Variants in RPRD2 observed in about 807,000 individuals in gnomAD.
The protein encoded by RPRD2 is regulation of nuclear pre-mRNA domain containing 2.
A neutral mutation model predicts 104.4 loss-of-function variants in RPRD2; 12 were observed. That is an observed-to-expected ratio of 0.11 (90% CI 0.07 to 0.19). The LOEUF is 0.19. Ranked by LOEUF, RPRD2 falls within the 10% of genes least tolerant of loss-of-function variation. The pLI is 1.00. For synonymous variants in RPRD2, 714 were observed against 684.9 expected (o/e 1.04, Z -0.66); for missense variants, 1,543 against 1,790.1 (o/e 0.86, Z 2.49).
At chr1:150,417,378 GT>G (rs1422076749) in intron 1 of RPRD2, among the ~76,000 whole-genome samples, 5 of 151,870 alleles carry the variant, frequency 3.3e-5, no homozygotes, top group African/African-American at 9.7e-5. Context: ...TCATTTGTCA[GT>G]TTATCCATCC....
chr1:150,427,605 C>G (rs1471297780), intron 2 of RPRD2, among the ~76,000 whole-genome samples: 2 of 152,058 alleles, frequency 1.3e-5, no homozygotes, highest in Non-Finnish European at 2.9e-5. Context: ...TTGAGACCAA[C>G]CTAAGCAACA....
rs587593556 is a variant in RPRD2, at chr1:150,473,012, G to A, written c.4064G>A (p.Arg1355Gln). The change falls in exon 11 of 11, where the codon CGG becomes CAG. Residue 1355 changes from arginine (R) to glutamine (Q), a missense_variant. Physicochemically the swap from Arg to Gln is conservative, Grantham distance 43. This residue lies in a region of RPRD2 where 880 missense variants were observed against 885.6 expected (regional missense o/e 0.99). Coordinates refer to ENST00000369068, the MANE Select transcript of RPRD2 (RefSeq NM_015203.5). ...AGGGACCACGGGGGCCCCACCCAAC[G>A]GGACCTCAACGGCCCTGGCCTTAGC... Reference protein sequence around the residue: ...GPRDHGGPTQRDLNGPGLSRV... With the variant: ...GPRDHGGPTQQDLNGPGLSRV... 69 of 1,613,982 alleles carry A rather than the reference G, an allele frequency of 4.3e-5. No individual in the cohort carries two copies. Among genetic ancestry groups the A allele is most frequent in the South Asian group, 2.7e-4 (25 of 91,082 alleles).
chr1:150,398,275 C>A (rs1325394628), intron 1 of RPRD2, among the ~76,000 whole-genome samples: 1 of 152,070 alleles, frequency 6.6e-6, no homozygotes, highest in African/African-American at 2.4e-5. Flanking sequence ...CGGCTCACTG[C>A]AAGCTCTGCC....
At chr1:150,416,894 A>G (rs1268086712) in intron 1 of RPRD2, among the ~76,000 whole-genome samples, 1 of 151,424 alleles carries the variant, frequency 6.6e-6, no homozygotes, top group Non-Finnish European at 1.5e-5. Flanking sequence ...AAAAAAAACA[A>G]AAAGAAGAAG....
intron 1 of RPRD2, among the ~76,000 whole-genome samples, chr1:150,398,730 A>G (rs1553884743): frequency 2.6e-5 from 4 of 151,578 alleles, no homozygotes; most frequent in Non-Finnish European, 1.5e-5. Context: ...TTTTGTAGCA[A>G]CCGGGTTTCA....
rs1222240846 is a variant in RPRD2, at chr1:150,472,340, T to C, written c.3392T>C (p.Leu1131Pro). Residue 1131 changes from leucine to proline, a missense_variant, in exon 11 of 11, where the codon CTG becomes CCG. Leu to Pro is a moderately conservative substitution (Grantham distance 98). Around this residue, in one of 4 missense-constraint regions of RPRD2, gnomAD observed 880 missense variants for 885.6 expected, o/e 0.99. Transcript: ENST00000369068. ...REASRVGWFD[L>P]STSGSSFDNG... ...GCTTCAAGGGTGGGTTGGTTTGATC[T>C]GAGCACATCAGGTAGCTCTTTTGAC... 6.2e-7 allele frequency: 1 copy of C among 1,614,002 alleles called. No homozygotes were observed.
At chr1:150,412,777 G>T (rs1473979489) in intron 1 of RPRD2, among the ~76,000 whole-genome samples, 2 of 152,104 alleles carry the variant, frequency 1.3e-5, no homozygotes, top group East Asian at 3.9e-4. Context: ...TCCCTACCTT[G>T]CTCCCCTGTT....
intron 1 of RPRD2, among the ~76,000 whole-genome samples, chr1:150,379,284 A>G (rs1660953215): frequency 6.6e-6 from 1 of 151,484 alleles, no homozygotes; most frequent in Non-Finnish European, 1.5e-5. Flanking sequence ...CTCCATCTCA[A>G]AAAAAAAACA....
chr1:150,439,623 A>G (rs1300464061), intron 2 of RPRD2, among the ~76,000 whole-genome samples: 1 of 134,412 alleles, frequency 7.4e-6, no homozygotes, highest in Non-Finnish European at 1.6e-5. Flanking sequence ...TAAGTTTGAC[A>G]TAGCTTTTTT....
At chr1:150,470,197 C>T (rs974880545) in intron 10 of RPRD2, among the ~76,000 whole-genome samples, 7 of 152,088 alleles carry the variant, frequency 4.6e-5, no homozygotes, top group African/African-American at 1.7e-4. Context: ...TTAAGAAATA[C>T]TGGCTTAAAG....
At chr1:150,372,216 C>T (rs587721687) in intron 1 of RPRD2, among the ~76,000 whole-genome samples, 1 of 152,206 alleles carries the variant, frequency 6.6e-6, no homozygotes, top group Non-Finnish European at 1.5e-5. Context: ...TTTATAAATC[C>T]CTAGTTTCCA....
chr1:150,473,510 T>C lies in RPRD2; in HGVS notation c.*176T>C. ...GCTTACGTTTTACTATTCAATTCAA[T>C]CCTCCCTCCCATTGCACTTATCTAC... On this transcript the variant is annotated 3_prime_UTR_variant, in exon 11 of 11. Coordinates refer to ENST00000369068, the MANE Select transcript of RPRD2 (RefSeq NM_015203.5). 3.7e-6 allele frequency: 1 copy of C among 268,552 alleles called. No individual in the cohort carries two copies. The highest frequency in any genetic ancestry group is 2.7e-5 in the African/African-American group (1 of 36,656). 16.6% of individuals were successfully genotyped at this position (268,552 alleles called of 1,614,324 possible).
intron 2 of RPRD2, among the ~76,000 whole-genome samples, chr1:150,418,513 A>T (rs587697104): frequency 6.6e-6 from 1 of 152,184 alleles, no homozygotes; most frequent in South Asian, 2.1e-4. Flanking sequence ...TCCCAACTCC[A>T]TGTTGATTTA....
At position 150,443,404 on chromosome 1, in the gene RPRD2, C is replaced by G; in HGVS notation, c.567+121C>G. 4 of 725,152 alleles carry G rather than the reference C, an allele frequency of 5.5e-6. No homozygotes were observed. The South Asian group carries it at 5.8e-5, about 11-fold the overall frequency. 44.9% of individuals were successfully genotyped at this position (725,152 alleles called of 1,614,324 possible). A position where few individuals can be genotyped will look rare whatever the true frequency, so the allele number is the denominator to read the frequency against. ...TTACACATGTCATGTTTTAAACATGCATGAACTGTTCTAAAGGAACCCAGA... is the reference window on the plus strand; with the variant it reads ...TTACACATGTCATGTTTTAAACATGGATGAACTGTTCTAAAGGAACCCAGA... On this transcript the variant is annotated intron_variant, in intron 5 of 10. Transcript: ENST00000369068.
At chr1:150,393,454 C>CAA (rs1203478537) in intron 1 of RPRD2, among the ~76,000 whole-genome samples, 1,051 of 56,248 alleles carry the variant, frequency 0.019, 18 homozygotes, top group Non-Finnish European at 0.026. Flanking sequence ...GACCCTGTCT[C>CAA]AAAAAAAAAA....
At chr1:150,395,236 T>C (rs1662409475) in intron 1 of RPRD2, among the ~76,000 whole-genome samples, 1 of 152,186 alleles carries the variant, frequency 6.6e-6, no homozygotes, top group Non-Finnish European at 1.5e-5. Flanking sequence ...CTCCCACATA[T>C]GAGTGAGAAC....
chr1:150,473,556 TAAAAAAAA>T lies in RPRD2; in HGVS notation c.*238_*245del, dbSNP rs61486244. 307 of 98,396 alleles carry T rather than the reference TAAAAAAAA, an allele frequency of 3.1e-3. 5 individuals carry two copies. The highest frequency in any genetic ancestry group is 0.012 in the African/African-American group (271 of 21,776). The allele number at this position is 98,396 out of a possible 1,614,324, so 6.1% of individuals were successfully genotyped here. ...TCTACCTTCCCCAAGTTGTTTGTAT[TAAAAAAAA>T]AAAAAAAAAAAAAAAGTAAAGAAAC... On this transcript the variant is annotated 3_prime_UTR_variant, in exon 11 of 11. Coordinates refer to ENST00000369068, the MANE Select transcript of RPRD2 (RefSeq NM_015203.5).
chr1:150,396,203 T>G (rs1345518939), intron 1 of RPRD2, among the ~76,000 whole-genome samples: 11 of 151,946 alleles, frequency 7.2e-5, no homozygotes, highest in East Asian at 3.9e-4. Flanking sequence ...TGTGTGTTTT[T>G]TTTTTTTTTT....
Position 150,373,293 on chromosome 1 carries a change from C to T in RPRD2, c.205+8374C>T, listed in dbSNP as rs185742773. Among the ~76,000 whole-genome samples the T allele has an allele frequency of 3.3e-3, 507 of 152,198 alleles. 2 individuals are homozygous for T. Among genetic ancestry groups the T allele is most frequent in the Middle Eastern group, 0.02 (6 of 294 alleles). On this transcript the variant is annotated intron_variant, in intron 1 of 10. Coordinates refer to ENST00000369068, the MANE Select transcript of RPRD2 (RefSeq NM_015203.5). ...CCTCCCAAAGTGCTGGGATTACAGGCGTGAGCCACCACGCCTGGCACTCGT... is the reference window on the plus strand; with the variant it reads ...CCTCCCAAAGTGCTGGGATTACAGGTGTGAGCCACCACGCCTGGCACTCGT...
Sources: gnomAD v4.1 joint callset for allele counts (sites outside exome capture counted in the v4.1 genomes callset) on GRCh38, gnomAD v4.1.1 for gene constraint, gnomAD v4.1.1 regional missense constraint, MANE v1.5 for transcripts, NCBI Gene and HGNC (gene_info 2026-07-23, HGNC 2026-07-21) for gene names.